The following TP53AIP1 variants were observed in gnomAD, a reference collection of about 807,000 sequenced individuals.
The protein encoded by TP53AIP1 is p53-regulated apoptosis-inducing protein 1.
Under a neutral mutation model 9.5 loss-of-function variants are expected in TP53AIP1, and 14 were observed. The ratio of observed to expected loss-of-function variants is 1.47; its 90% confidence interval spans 0.97 to 2.30. TP53AIP1 has a LOEUF of 2.30. TP53AIP1 is among the 30% of genes most tolerant of loss of function. The probability of loss-of-function intolerance (pLI) is 0.00; values close to 1 mark genes in which losing one functional copy is unlikely to be tolerated. For synonymous variants in TP53AIP1, 73 were observed against 61.2 expected (o/e 1.19, Z -0.90); for missense variants, 153 against 146.7 (o/e 1.04, Z -0.22).
At position 128,937,575 on chromosome 11, in the gene TP53AIP1, G is replaced by A. The variant is rs142517986; in HGVS notation, c.141+103C>T. 7 of 1,614,042 alleles carry A rather than the reference G, an allele frequency of 4.3e-6. No homozygotes were observed. Among genetic ancestry groups the A allele is most frequent in the South Asian group, 3.3e-5 (3 of 91,084 alleles). ...GACCCAGATGCTGTCACTGGGTCCT[G>A]GTGAGTCTGAAAACTTGGGATGTCG... On this transcript the variant is annotated intron_variant, in intron 2 of 3. Coordinates refer to ENST00000531399, the MANE Select transcript of TP53AIP1 (RefSeq NM_022112.3). The surrounding 1 kb of genome is among the most constrained non-coding windows in gnomAD (Gnocchi z 4.8).
chr11:128,936,936 G>A, intron 2 of TP53AIP1: 1 of 1,183,400 alleles, frequency 8.5e-7, no homozygotes. Context: ...CATCACCACA[G>A]CTCGGGGCTT....
intron 1 of TP53AIP1, among the ~76,000 whole-genome samples, chr11:128,940,964 C>G (rs1944928686): frequency 6.6e-6 from 1 of 152,136 alleles, no homozygotes; most frequent in South Asian, 2.1e-4. Context: ...CCAGAGATCC[C>G]CCGACTTTGG....
chr11:128,935,947 A>AT (rs777271252), intron 3 of TP53AIP1: 10 of 1,222,512 alleles, frequency 8.2e-6, no homozygotes, highest in Non-Finnish European at 1.0e-5. Flanking sequence ...TAAACAAAAT[A>AT]TGCTAATGAT....
Position 128,939,194 on chromosome 11 carries a change from C to G in TP53AIP1, c.-76-1300G>C, listed in dbSNP as rs1944895077. 6.6e-6 allele frequency among the ~76,000 whole-genome samples: 1 copy of G among 152,204 alleles called. No homozygotes were observed. Among genetic ancestry groups the G allele is most frequent in the African/African-American group, 2.4e-5 (1 of 41,454 alleles). ...CAGGATTGAGCCCAAAGGTCACGTTCTTTCCCTGCGGCTCCCTTCCCCATC... is the reference window on the plus strand; with the variant it reads ...CAGGATTGAGCCCAAAGGTCACGTTGTTTCCCTGCGGCTCCCTTCCCCATC... On this transcript the variant is annotated intron_variant, in intron 1 of 3. Coordinates refer to ENST00000531399, the MANE Select transcript of TP53AIP1 (RefSeq NM_022112.3). This position sits in a 1 kb window ranked among gnomAD's most constrained non-coding sequence, Gnocchi z 4.1.
chr11:128,934,951 T>C (rs1944780598), downstream of TP53AIP1: 5 of 701,954 alleles, frequency 7.1e-6, no homozygotes, highest in Middle Eastern at 4.8e-4. Context: ...CCAATGCTTT[T>C]CCCCCATTGG....
intron 1 of TP53AIP1, among the ~76,000 whole-genome samples, chr11:128,941,563 C>T (rs1944942440): frequency 6.6e-6 from 1 of 152,258 alleles, no homozygotes; most frequent in Non-Finnish European, 1.5e-5. Flanking sequence ...CCCTTGCCAG[C>T]TGGCATGATG....
downstream of TP53AIP1, chr11:128,935,330 C>A (rs556825852): frequency 7.1e-7 from 1 of 1,417,388 alleles, no homozygotes; most frequent in East Asian, 2.6e-5. Flanking sequence ...TAGTTTTTAG[C>A]AAGTGGATAT....
chr11:128,937,968 G>T lies in TP53AIP1; in HGVS notation c.-76-74C>A. 1 of 881,856 alleles carries T rather than the reference G, an allele frequency of 1.1e-6. No individual in the cohort carries two copies. Among genetic ancestry groups the T allele is most frequent in the Non-Finnish European group, 1.7e-6 (1 of 592,974 alleles). 54.6% of individuals were successfully genotyped at this position (881,856 alleles called of 1,614,324 possible). ...TGGGCCAGCAATGATGATTTCTACT[G>T]TTAGGGTTTCAGTTGTACTTGGATC... On this transcript the variant is annotated intron_variant, in intron 1 of 3. Transcript: ENST00000531399. The surrounding 1 kb of genome is among the most constrained non-coding windows in gnomAD (Gnocchi z 4.8).
chr11:128,941,580 C>T (rs1047954176), intron 1 of TP53AIP1, among the ~76,000 whole-genome samples: 1 of 152,258 alleles, frequency 6.6e-6, no homozygotes, highest in Non-Finnish European at 1.5e-5. Flanking sequence ...GATGTTTAGC[C>T]CTGTGCAGAG....
Position 128,939,397 on chromosome 11 carries a change from T to C in TP53AIP1, c.-76-1503A>G, listed in dbSNP as rs934785921. On this transcript the variant is annotated intron_variant, in intron 1 of 3. Coordinates refer to ENST00000531399, the MANE Select transcript of TP53AIP1 (RefSeq NM_022112.3). This position sits in a 1 kb window ranked among gnomAD's most constrained non-coding sequence, Gnocchi z 4.1. ...AGCTGACTGCTGTCCCAGATGGACA[T>C]AGAAGGTCACCATGTGGCCTGCTGG... Among the ~76,000 whole-genome samples, 7 of 152,188 alleles carry C rather than the reference T, an allele frequency of 4.6e-5. No individual in the cohort carries two copies. Among genetic ancestry groups the C allele is most frequent in the Non-Finnish European group, 7.3e-5 (5 of 68,032 alleles).
downstream of TP53AIP1, chr11:128,935,043 C>T: frequency 1.4e-6 from 1 of 703,408 alleles, no homozygotes; most frequent in Non-Finnish European, 2.6e-6. Flanking sequence ...GCTCTTACTG[C>T]ACTGAAAAAC....
In TP53AIP1 at chr11:128,935,515, T is replaced by C; in HGVS notation, c.*76A>G. The C allele has an allele frequency of 6.7e-7, 1 of 1,486,186 alleles. No homozygotes were observed. The highest frequency in any genetic ancestry group is 8.9e-7 in the Non-Finnish European group (1 of 1,122,830). 92.1% of individuals were successfully genotyped at this position (1,486,186 alleles called of 1,614,324 possible). A position where few individuals can be genotyped will look rare whatever the true frequency, so the allele number is the denominator to read the frequency against. On this transcript the variant is annotated 3_prime_UTR_variant, in exon 4 of 4. Coordinates refer to ENST00000531399, the MANE Select transcript of TP53AIP1 (RefSeq NM_022112.3). ...AGCCATTTCTCGACGGTGCTTTCTG[T>C]TTGTTTGTTTGTTTTTGTTTTGAGA... is the stretch of plus-strand genomic sequence containing the variant.
At position 128,936,445 on chromosome 11, in the gene TP53AIP1, C is replaced by T. The variant is rs573758398; in HGVS notation, c.253+93G>A. On this transcript the variant is annotated intron_variant, in intron 3 of 3. Coordinates refer to ENST00000531399, the MANE Select transcript of TP53AIP1 (RefSeq NM_022112.3). ...AGGAGAGGGTCAAACTCAAAAAACCCTATGTCGTTACCTGGATTTATCGAG... is the reference window on the plus strand; with the variant it reads ...AGGAGAGGGTCAAACTCAAAAAACCTTATGTCGTTACCTGGATTTATCGAG... 5 of 1,438,092 alleles carry T rather than the reference C, an allele frequency of 3.5e-6. No homozygotes were observed. The African/African-American group carries it at 5.7e-5, about 16-fold the overall frequency. The allele number at this position is 1,438,092 out of a possible 1,614,324, so 89.1% of individuals were successfully genotyped here. A position where few individuals can be genotyped will look rare whatever the true frequency, so the allele number is the denominator to read the frequency against.
rs1555049409 is a variant in TP53AIP1 at position 128,935,512 on chromosome 11, C to CTGTTTTTGTT, written c.*78_*79insAACAAAAACA. 7 of 1,497,242 alleles carry CTGTTTTTGTT rather than the reference C, an allele frequency of 4.7e-6. No homozygotes were observed. The Admixed American group carries it at 6.4e-5, about 14-fold the overall frequency. The allele number at this position is 1,497,242 out of a possible 1,614,324, so 92.7% of individuals were successfully genotyped here. ...TGGAGCCATTTCTCGACGGTGCTTT[C>CTGTTTTTGTT]TGTTTGTTTGTTTGTTTTTGTTTTG... On this transcript the variant is annotated 3_prime_UTR_variant, in exon 4 of 4. Transcript: ENST00000531399.
Position 128,937,778 on chromosome 11 carries a change from G to A in TP53AIP1, c.41C>T (p.Ala14Val). 1.2e-6 allele frequency: 2 copies of A among 1,613,894 alleles called. No homozygotes were observed. The highest frequency in any genetic ancestry group is 1.7e-6 in the Non-Finnish European group (2 of 1,179,958). The change falls in exon 2 of 4, where the codon GCT (alanine) becomes GTT (valine). Residue 14 changes from alanine to valine, a missense_variant. By Grantham distance (64) the Ala-to-Val change is moderately conservative. Transcript: ENST00000531399. This position sits in a 1 kb window ranked among gnomAD's most constrained non-coding sequence, Gnocchi z 4.8. ...SSEASFRSAQ[A>V]SCSGARRQGL... is the part of the protein sequence containing the mutation. ...CTGCCTCCTGGCCCCACTGCAGGAA[G>A]CTTGAGCAGATCTGAAGCTCGCCTC... is the stretch of plus-strand genomic sequence containing the variant.
At position 128,937,449 on chromosome 11, in the gene TP53AIP1, G is replaced by T. The variant is rs983705730; in HGVS notation, c.141+229C>A. The stretch of plus-strand genomic sequence containing the variant: ...TCCTAGAAACCCAGGATTCCGAGGA[G>T]GAGGAGGGCTGGCCTTCCTCTTGGG... On this transcript the variant is annotated intron_variant, in intron 2 of 3. Coordinates refer to ENST00000531399, the MANE Select transcript of TP53AIP1 (RefSeq NM_022112.3). This position sits in a 1 kb window ranked among gnomAD's most constrained non-coding sequence, Gnocchi z 4.8. The T allele has an allele frequency of 1.3e-6, 2 of 1,502,232 alleles. No individual in the cohort carries two copies. The highest frequency in any genetic ancestry group is 2.2e-5 in the Admixed American group (1 of 44,616). 93.1% of individuals were successfully genotyped at this position (1,502,232 alleles called of 1,614,324 possible).
Position 128,939,561 on chromosome 11 carries a change from G to A in TP53AIP1, c.-76-1667C>T, listed in dbSNP as rs1363072921. On this transcript the variant is annotated intron_variant, in intron 1 of 3. Transcript: ENST00000531399. The surrounding 1 kb of genome is among the most constrained non-coding windows in gnomAD (Gnocchi z 4.1). ...TGCTGGGCATTTTGTCAGGCCACAA[G>A]CCAGCAGCCATGCAGCGGATGCACC... Among the ~76,000 whole-genome samples, 1 of 152,242 alleles carries A rather than the reference G, an allele frequency of 6.6e-6. No homozygotes were observed. The highest frequency in any genetic ancestry group is 1.5e-5 in the Non-Finnish European group (1 of 68,050).
In TP53AIP1 at chr11:128,936,603, C is replaced by A; in HGVS notation, c.188G>T (p.Arg63Leu). ...CGAGACTGACAGAGCTTCTATTCCC[C>A]GGCACCCTCCGTGAACTTGGGCACC... The part of the protein sequence containing the change: ...VLGAQVHGGC[R>L]GIEALSVSSG... The change falls in exon 3 of 4, where the codon CGG becomes CTG. Residue 63 changes from arginine (R) to leucine (L), a missense_variant. By Grantham distance (102) the Arg-to-Leu change is moderately radical (BLOSUM62 -2). Coordinates refer to ENST00000531399, the MANE Select transcript of TP53AIP1 (RefSeq NM_022112.3). The A allele has an allele frequency of 6.3e-7, 1 of 1,588,550 alleles. No homozygotes were observed. The highest frequency in any genetic ancestry group is 1.1e-5 in the South Asian group (1 of 88,376).
chr11:128,935,561 C>T lies in TP53AIP1; in HGVS notation c.*30G>A, dbSNP rs1944800874. The stretch of plus-strand genomic sequence containing the variant: ...TGAGATGGAGTCTCTCTCTGTCGCC[C>T]AGGCTGGAGTGCAGTGGCGTGATCT... On this transcript the variant is annotated 3_prime_UTR_variant, in exon 4 of 4. Coordinates refer to ENST00000531399, the MANE Select transcript of TP53AIP1 (RefSeq NM_022112.3). 1.3e-6 allele frequency: 2 copies of T among 1,536,930 alleles called. No individual in the cohort carries two copies. The highest frequency in any genetic ancestry group is 2.0e-5 in the Admixed American group (1 of 50,112).
Sources: gnomAD v4.1 joint callset for allele counts (sites outside exome capture counted in the v4.1 genomes callset) on GRCh38, gnomAD v4.1.1 for gene constraint, Gnocchi (gnomAD v3.1) non-coding constraint, MANE v1.5 for transcripts, NCBI Gene and HGNC (gene_info 2026-07-23, HGNC 2026-07-21) for gene names.